The following MAGI2 variants were observed in gnomAD, a reference collection of about 807,000 sequenced individuals.
MAGI2 encodes the protein membrane associated guanylate kinase, WW and PDZ domain containing 2.
Under a neutral mutation model 133.3 loss-of-function variants are expected in MAGI2, and 35 were observed. The observed-to-expected ratio is 0.26, with a 90% CI of 0.20 to 0.35. The LOEUF (loss-of-function observed/expected upper bound fraction) is 0.35, where lower values mean the gene tolerates loss of function less well. Ranked by LOEUF, MAGI2 falls within the 10% of genes least tolerant of loss-of-function variation. The pLI is 1.00. For missense variants in MAGI2, 1,636 were observed against 1,863.4 expected, an observed-to-expected ratio of 0.88 and a Z score of 2.25; for synonymous variants, 729 against 710.6, an observed-to-expected ratio of 1.03 and a Z score of -0.41.
At chr7:79,227,523 C>T (rs1685938822) in intron 1 of MAGI2, among the ~76,000 whole-genome samples, 1 of 152,084 alleles carries the variant, frequency 6.6e-6, no homozygotes, top group Admixed American at 6.6e-5. Context: ...CTTTTATTTT[C>T]TTCACTCCTT....
At chr7:78,891,173 A>G (rs1303912291) in intron 2 of MAGI2, among the ~76,000 whole-genome samples, 2 of 152,214 alleles carry the variant, frequency 1.3e-5, no homozygotes, top group African/African-American at 4.8e-5. Flanking sequence ...CCAAGACTAA[A>G]CCAGGAAGAA....
intron 1 of MAGI2, among the ~76,000 whole-genome samples, chr7:79,050,826 T>C (rs1449165888): frequency 6.6e-6 from 1 of 152,246 alleles, no homozygotes; most frequent in African/African-American, 2.4e-5. Context: ...CCTGCTTTTA[T>C]TTCAGTTTTC....
At chr7:78,666,845 AGTGAAGTC>A (rs1813646473) in intron 2 of MAGI2, among the ~76,000 whole-genome samples, 2 of 152,174 alleles carry the variant, frequency 1.3e-5, no homozygotes, top group South Asian at 4.1e-4. Flanking sequence ...CATGGCTAAA[AGTGAAGTC>A]TTCAGATTCT....
chr7:78,917,878 T>C (rs968838713), intron 2 of MAGI2, among the ~76,000 whole-genome samples: 2 of 152,152 alleles, frequency 1.3e-5, no homozygotes, highest in African/African-American at 4.8e-5. Flanking sequence ...AAGCGATTCA[T>C]AAGGCAAGGT....
rs1793004950 is a variant in MAGI2 at position 78,256,597 on chromosome 7, A to G, written c.1409-16T>C. The G allele has an allele frequency of 6.2e-7, 1 of 1,601,820 alleles. No individual in the cohort carries two copies. Among genetic ancestry groups the G allele is most frequent in the Non-Finnish European group, 8.5e-7 (1 of 1,174,862 alleles). On this transcript the variant is annotated splice_polypyrimidine_tract_variant and intron_variant, in intron 9 of 21. Transcript: ENST00000354212. ...ATGACATCACCTGTAAGAAAAAAAGAGATTGACAACATGAGGTAAGTTCAA... is the reference window on the plus strand; with the variant it reads ...ATGACATCACCTGTAAGAAAAAAAGGGATTGACAACATGAGGTAAGTTCAA...
chr7:78,574,828 G>A (rs1802097913), intron 3 of MAGI2, among the ~76,000 whole-genome samples: 1 of 152,224 alleles, frequency 6.6e-6, no homozygotes, highest in South Asian at 2.1e-4. Flanking sequence ...GCATTGGCAA[G>A]GTGATGACGG....
chr7:78,427,189 A>C (rs1799360745), intron 6 of MAGI2, among the ~76,000 whole-genome samples: 1 of 152,166 alleles, frequency 6.6e-6, no homozygotes, highest in Admixed American at 6.5e-5. Flanking sequence ...GAAATAAAAA[A>C]CTAATGGGGC....
At chr7:78,512,380 G>T (rs79803530) in intron 4 of MAGI2, among the ~76,000 whole-genome samples, 5,679 of 152,172 alleles carry the variant, frequency 0.037, 256 homozygotes, top group African/African-American at 0.1. Context: ...AGCCTGTGAA[G>T]AAATGATTTA....
chr7:78,630,769 T>A (rs980615490), intron 2 of MAGI2, among the ~76,000 whole-genome samples: 1 of 152,194 alleles, frequency 6.6e-6, no homozygotes, highest in African/African-American at 2.4e-5. Flanking sequence ...CCATTTTCCA[T>A]TCATTAATCA....
chr7:79,284,716 T>C (rs999774708), intron 1 of MAGI2, among the ~76,000 whole-genome samples: 2 of 152,158 alleles, frequency 1.3e-5, no homozygotes, highest in Non-Finnish European at 2.9e-5. Context: ...AGATCAATAG[T>C]TTCAGTTAAT....
rs562724168 is a variant in MAGI2 at position 78,730,603 on chromosome 7, G to A, written c.419-103364C>T. ...CATTGAAATAGTAAAGATGTACAGC[G>A]CAAAGACATGCTAAGTTCAATAATA... is the stretch of plus-strand genomic sequence containing the variant. On this transcript the variant is annotated intron_variant, in intron 2 of 21. Coordinates refer to ENST00000354212, the MANE Select transcript of MAGI2 (RefSeq NM_012301.4). 6.6e-5 allele frequency among the ~76,000 whole-genome samples: 10 copies of A among 152,128 alleles called. No individual in the cohort carries two copies. The South Asian group carries it at 1.0e-3, about 16-fold the overall frequency.
chr7:79,082,618 G>A (rs977788399), intron 1 of MAGI2, among the ~76,000 whole-genome samples: 1 of 152,002 alleles, frequency 6.6e-6, no homozygotes, highest in Non-Finnish European at 1.5e-5. Flanking sequence ...GTTTAAATAA[G>A]TTATGAAATT....
chr7:78,816,179 C>A (rs920249726), intron 2 of MAGI2, among the ~76,000 whole-genome samples: 1 of 152,182 alleles, frequency 6.6e-6, no homozygotes, highest in Non-Finnish European at 1.5e-5. Flanking sequence ...GAAATCAAAG[C>A]CTAATCCAGA....
At chr7:78,601,459 G>T (rs1805200341) in intron 3 of MAGI2, among the ~76,000 whole-genome samples, 1 of 152,100 alleles carries the variant, frequency 6.6e-6, no homozygotes, top group South Asian at 2.1e-4. Flanking sequence ...CGCATTCTGA[G>T]AATCAGTATG....
intron 1 of MAGI2, among the ~76,000 whole-genome samples, chr7:79,148,848 TTA>T (rs1279972479): frequency 4.2e-5 from 6 of 142,828 alleles, no homozygotes; most frequent in Non-Finnish European, 6.0e-5. Context: ...TATGTATGTT[TTA>T]TATATATATA....
intron 2 of MAGI2, among the ~76,000 whole-genome samples, chr7:78,901,680 T>C (rs1420778547): frequency 6.6e-6 from 1 of 152,184 alleles, no homozygotes; most frequent in East Asian, 1.9e-4. Flanking sequence ...TACTTTTTTT[T>C]TTTTAAGTAA....
chr7:79,394,288 C>A (rs1844884894), intron 1 of MAGI2, among the ~76,000 whole-genome samples: 1 of 152,128 alleles, frequency 6.6e-6, no homozygotes. Context: ...TTATGCCAGT[C>A]TCAACTGGAA....
chr7:79,287,190 G>T (rs1334306637), intron 1 of MAGI2, among the ~76,000 whole-genome samples: 1 of 151,986 alleles, frequency 6.6e-6, no homozygotes, highest in Non-Finnish European at 1.5e-5. Context: ...CAGACCTACT[G>T]AATAATAATT....
At chr7:78,316,767 G>C (rs1241379382) in intron 9 of MAGI2, among the ~76,000 whole-genome samples, 1 of 152,116 alleles carries the variant, frequency 6.6e-6, no homozygotes, top group Admixed American at 6.5e-5. Flanking sequence ...TATAACCCTA[G>C]AGTGAGTAAA....
Sources: gnomAD v4.1 joint callset for allele counts (sites outside exome capture counted in the v4.1 genomes callset) on GRCh38, gnomAD v4.1.1 for gene constraint, MANE v1.5 for transcripts, NCBI Gene and HGNC (gene_info 2026-07-23, HGNC 2026-07-21) for gene names.